The following CCDC91 variants were observed in gnomAD, a reference collection of about 807,000 sequenced individuals.
CCDC91 encodes coiled-coil domain-containing protein 91.
In CCDC91, 48 loss-of-function variants were observed where a neutral mutation model predicts 63.2. The ratio of observed to expected loss-of-function variants is 0.76; its 90% CI spans 0.60 to 0.97. CCDC91 has a LOEUF of 0.97. CCDC91 is among the 50% of genes least tolerant of loss of function. The pLI, the probability that CCDC91 is intolerant of heterozygous loss-of-function variation, is 0.00. For synonymous variants in CCDC91, 167 were observed against 165.8 expected, an observed-to-expected ratio of 1.01 and a Z score of -0.06; for missense variants, 500 against 494.6, an observed-to-expected ratio of 1.01 and a Z score of -0.10.
intron 3 of CCDC91, among the ~76,000 whole-genome samples, chr12:28,260,637 A>T (rs1418298489): frequency 6.6e-6 from 1 of 151,556 alleles, no homozygotes; most frequent in Non-Finnish European, 1.5e-5. Flanking sequence ...TCTGACTTTC[A>T]TGTTGGACAG....
chr12:28,510,695 C>A (rs925432584), intron 12 of CCDC91, among the ~76,000 whole-genome samples: 1 of 151,712 alleles, frequency 6.6e-6, no homozygotes, highest in African/African-American at 2.4e-5. Context: ...AATTAACCAC[C>A]GCAGATAATG....
At chr12:28,197,973 T>A (rs547919547) in intron 1 of CCDC91, among the ~76,000 whole-genome samples, 37 of 152,262 alleles carry the variant, frequency 2.4e-4, no homozygotes, top group African/African-American at 8.4e-4. Flanking sequence ...TAAATGGAGA[T>A]AAAAAATAAT....
chr12:28,525,378 G>C (rs1941169649), intron 12 of CCDC91, among the ~76,000 whole-genome samples: 1 of 152,116 alleles, frequency 6.6e-6, no homozygotes, highest in Admixed American at 6.6e-5. Context: ...TCGGGAGCAA[G>C]TCATTTAATT....
At chr12:28,251,069 G>C (rs1946090838) in intron 1 of CCDC91, among the ~76,000 whole-genome samples, 1 of 151,704 alleles carries the variant, frequency 6.6e-6, no homozygotes, top group Non-Finnish European at 1.5e-5. Context: ...GTTGCTTCTA[G>C]GAAACATGGC....
chr12:28,296,529 C>G (rs1443866363), intron 3 of CCDC91, among the ~76,000 whole-genome samples: 1 of 151,854 alleles, frequency 6.6e-6, no homozygotes. Flanking sequence ...GTTCCTCCAT[C>G]TTGGCCTTTT....
intron 7 of CCDC91, among the ~76,000 whole-genome samples, chr12:28,369,101 A>G (rs1234949663): frequency 2.0e-5 from 3 of 152,136 alleles, no homozygotes; most frequent in African/African-American, 2.4e-5. Context: ...ATGCCTTCCA[A>G]TGTCCCCTAA....
intron 12 of CCDC91, among the ~76,000 whole-genome samples, chr12:28,495,030 G>T (rs544086120): frequency 5.3e-5 from 8 of 151,874 alleles, no homozygotes; most frequent in African/African-American, 1.9e-4. Flanking sequence ...ATTCTGACCA[G>T]TAGTACAACG....
chr12:28,244,526 T>TTTTTC (rs3064708), intron 1 of CCDC91, among the ~76,000 whole-genome samples: 1 of 111,220 alleles, frequency 9.0e-6, no homozygotes, highest in African/African-American at 3.0e-5. Context: ...TTTTTTTTTT[T>TTTTTC]ACAGCTCTAC....
At chr12:28,265,667 G>A (rs1947140149) in intron 3 of CCDC91, among the ~76,000 whole-genome samples, 1 of 151,894 alleles carries the variant, frequency 6.6e-6, no homozygotes, top group African/African-American at 2.4e-5. Flanking sequence ...ATATCTATGA[G>A]AGCTCAGAAC....
intron 12 of CCDC91, among the ~76,000 whole-genome samples, chr12:28,486,572 CT>C (rs143711043): frequency 0.21 from 31,711 of 151,866 alleles, 4,340 homozygotes; most frequent in Non-Finnish European, 0.31. Flanking sequence ...GATAATGTTA[CT>C]TTTTTTGTCA....
intron 7 of CCDC91, among the ~76,000 whole-genome samples, chr12:28,369,023 CA>C (rs1400430176): frequency 1.3e-5 from 2 of 152,084 alleles, no homozygotes; most frequent in Admixed American, 1.3e-4. Context: ...GACACAAAGC[CA>C]AATCATGTCA....
intron 7 of CCDC91, among the ~76,000 whole-genome samples, chr12:28,377,636 T>A (rs1372779163): frequency 6.6e-6 from 1 of 151,886 alleles, no homozygotes; most frequent in Non-Finnish European, 1.5e-5. Flanking sequence ...ATTTTTTAAT[T>A]TTTTTATATC....
intron 1 of CCDC91, among the ~76,000 whole-genome samples, chr12:28,193,484 C>G (rs1190989437): frequency 6.6e-6 from 1 of 151,950 alleles, no homozygotes; most frequent in Admixed American, 6.6e-5. Flanking sequence ...GCCTGTAATC[C>G]CAGCTACTCA....
Position 28,380,078 on chromosome 12 carries a change from A to G in CCDC91, c.655-11226A>G, listed in dbSNP as rs537456932. 2.0e-5 allele frequency among the ~76,000 whole-genome samples: 3 copies of G among 152,276 alleles called. No individual in the cohort carries two copies. In the East Asian group the frequency reaches 5.8e-4, roughly 29 times the overall value. On this transcript the variant is annotated intron_variant, in intron 7 of 12. Coordinates refer to ENST00000536442, the MANE Select transcript of CCDC91 (RefSeq NM_018318.5). ...TCTCAGCAAACTATCACAAGGACAG[A>G]AAACCAAACACCGCATGTTTTCACT...
intron 8 of CCDC91, among the ~76,000 whole-genome samples, chr12:28,415,664 T>TTGTGTGTGTG (rs61077919): frequency 0.011 from 1,595 of 148,492 alleles, 24 homozygotes; most frequent in Middle Eastern, 0.065. Flanking sequence ...AGATATATAT[T>TTGTGTGTGTG]TGTGTGTGTG....
intron 6 of CCDC91, among the ~76,000 whole-genome samples, chr12:28,359,336 G>T (rs889694589): frequency 6.6e-6 from 1 of 152,142 alleles, no homozygotes; most frequent in African/African-American, 2.4e-5. Context: ...AATTTGTAAT[G>T]AATTAGGCCA....
intron 12 of CCDC91, among the ~76,000 whole-genome samples, chr12:28,509,265 C>T (rs1317135970): frequency 2.0e-5 from 3 of 151,988 alleles, no homozygotes; most frequent in Admixed American, 6.6e-5. Flanking sequence ...TCTCCTGCCT[C>T]CTGTGGATAC....
chr12:28,278,942 T>G (rs1435255771), intron 3 of CCDC91, among the ~76,000 whole-genome samples: 2 of 152,022 alleles, frequency 1.3e-5, no homozygotes, highest in African/African-American at 4.8e-5. Flanking sequence ...GCATACATAT[T>G]ATATAACTTA....
At chr12:28,472,241 T>C (rs1374156583) in intron 11 of CCDC91, among the ~76,000 whole-genome samples, 2 of 152,126 alleles carry the variant, frequency 1.3e-5, no homozygotes, top group Non-Finnish European at 2.9e-5. Flanking sequence ...ATTGAGCGGC[T>C]GATTGCAGAT....
Sources: gnomAD v4.1 joint callset for allele counts (sites outside exome capture counted in the v4.1 genomes callset) on GRCh38, gnomAD v4.1.1 for gene constraint, MANE v1.5 for transcripts, NCBI Gene and HGNC (gene_info 2026-07-23, HGNC 2026-07-21) for gene names.